The following SLC18A2 variants were observed in gnomAD, a reference collection of about 807,000 sequenced individuals.
SLC18A2 encodes the protein synaptic vesicular amine transporter.
SLC18A2 carries 33 observed loss-of-function variants against 59.2 expected under a neutral mutation model. The observed-to-expected ratio is 0.56, with a 90% confidence interval of 0.42 to 0.75. The LOEUF is 0.75. SLC18A2 is among the 30% of genes least tolerant of loss of function. The probability of loss-of-function intolerance (pLI) is 0.00; values close to 1 mark genes in which losing one functional copy is unlikely to be tolerated. For synonymous variants in SLC18A2, 228 were observed against 253.5 expected (o/e 0.90, Z 0.95); for missense variants, 569 against 668.6 (o/e 0.85, Z 1.64).
Position 117,270,538 on chromosome 10 carries a change from T to A in SLC18A2, c.1440+75T>A. ...GCCTTCCTGATAGCTTCCTCATGGT[T>A]TCATTCTAAAGCCTTCAAACATAAA... is the stretch of plus-strand genomic sequence containing the variant. On this transcript the variant is annotated intron_variant, in intron 15 of 15. Transcript: ENST00000644641. 3.2e-6 allele frequency: 5 copies of A among 1,547,672 alleles called. No individual in the cohort carries two copies. The South Asian group carries it at 5.8e-5, about 18-fold the overall frequency.
intron 10 of SLC18A2, among the ~76,000 whole-genome samples, chr10:117,263,222 C>G (rs1000137074): frequency 6.6e-6 from 1 of 152,186 alleles, no homozygotes; most frequent in Non-Finnish European, 1.5e-5. Context: ...AGCTTTCAGC[C>G]CATGGCTCCC....
At chr10:117,267,870 A>G in intron 13 of SLC18A2, 134 bp downstream of exon 13, 2 of 572,930 alleles carry the variant, frequency 3.5e-6, no homozygotes, top group East Asian at 2.8e-5. Flanking sequence ...CAGCTTAGCT[A>G]AATTACAGCC....
At chr10:117,254,804 C>T (rs975066233) in intron 6 of SLC18A2, among the ~76,000 whole-genome samples, 6 of 152,174 alleles carry the variant, frequency 3.9e-5, no homozygotes, top group Non-Finnish European at 7.3e-5. Context: ...GTTGTGATCA[C>T]GGAGAACCTT....
At chr10:117,253,328 C>T (rs994019503) in intron 3 of SLC18A2, 71 bp from the exon 4 acceptor site, 54 of 1,166,670 alleles carry the variant, frequency 4.6e-5, no homozygotes, top group East Asian at 7.0e-5. Flanking sequence ...GGTAGCCAGG[C>T]GAAAATCAAT....
In SLC18A2 at chr10:117,270,374, T is replaced by C. The variant is rs1459707519; in HGVS notation, c.1351T>C (p.Trp451Arg). The change falls in exon 15 of 16, where the codon TGG (tryptophan) becomes CGG (arginine). Residue 451 changes from tryptophan to arginine, a missense_variant. Coordinates refer to ENST00000644641, the MANE Select transcript of SLC18A2 (RefSeq NM_003054.6). Reference sequence around the variant, plus strand: ...TATTGCAAAGGCAATTGGATTTCCATGGCTCATGACAATTATTGGGATAAT... The same window carrying C: ...TATTGCAAAGGCAATTGGATTTCCACGGCTCATGACAATTATTGGGATAAT... ...GAIAKAIGFPWLMTIIGIIDI... is the reference protein window; with the variant it reads ...GAIAKAIGFPRLMTIIGIIDI... The C allele has an allele frequency of 9.9e-6, 16 of 1,614,234 alleles. No homozygotes were observed. The highest frequency in any genetic ancestry group is 3.3e-5 in the Admixed American group (2 of 60,030).
At chr10:117,255,390 A>C (rs1233358128) in intron 7 of SLC18A2, 24 bp downstream of exon 7, 1 of 1,613,980 alleles carries the variant, frequency 6.2e-7, no homozygotes, top group Non-Finnish European at 8.5e-7. Flanking sequence ...CGTGGGCGCC[A>C]TGCCATGACC....
chr10:117,270,424 C>T lies in SLC18A2; in HGVS notation c.1401C>T (p.Cys467=), dbSNP rs887210501. Residue 467 remains cysteine (C), a synonymous_variant, in exon 15 of 16, where the codon TGC becomes TGT. Transcript: ENST00000644641. ...TTGATATTCTTTTTGCCCCTCTCTG[C>T]TTTTTTCTTCGAAGTCCACCTGCCA... ...GIIDILFAPL[C]FFLRSPPAKE... is the part of the protein sequence containing the mutation. 6.2e-7 allele frequency: 1 copy of T among 1,613,872 alleles called. No individual in the cohort carries two copies. The highest frequency in any genetic ancestry group is 1.3e-5 in the African/African-American group (1 of 74,902).
intron 2 of SLC18A2, 139 bp downstream of exon 2, chr10:117,241,953 C>G: frequency 1.2e-6 from 1 of 848,510 alleles, no homozygotes; most frequent in Non-Finnish European, 1.7e-6. Flanking sequence ...AAAAAGACAT[C>G]CCCTCCAGGC....
At chr10:117,250,901 C>T (rs363339) in intron 3 of SLC18A2, among the ~76,000 whole-genome samples, 46,832 of 151,858 alleles carry the variant, frequency 0.31, 7,957 homozygotes, top group East Asian at 0.65. Flanking sequence ...ACTGGCTGGA[C>T]TGAACAGTGG....
intron 15 of SLC18A2, among the ~76,000 whole-genome samples, chr10:117,276,622 A>AG (rs1249600940): frequency 2.1e-5 from 1 of 48,766 alleles, no homozygotes; most frequent in Non-Finnish European, 5.5e-5. Flanking sequence ...TCAAAAAAAA[A>AG]AAAAAAAAAA....
Position 117,254,423 on chromosome 10 carries a change from G to T in SLC18A2, c.626G>T (p.Ser209Ile). 2 of 1,603,222 alleles carry T rather than the reference G, an allele frequency of 1.2e-6. No homozygotes were observed. Among genetic ancestry groups the T allele is most frequent in the Non-Finnish European group, 1.7e-6 (2 of 1,174,310 alleles). ...SSVAGMGMLA[S>I]VYTDDEERGN... is the part of the protein sequence containing the mutation. Reference sequence around the variant, plus strand: ...TGTGTAGGGATGGGCATGCTTGCCAGTGTCTACACAGATGATGAAGAGAGA... The same window carrying T: ...TGTGTAGGGATGGGCATGCTTGCCATTGTCTACACAGATGATGAAGAGAGA... Residue 209 changes from serine (S) to isoleucine (I), a missense_variant, in exon 6 of 16, where the codon AGT becomes ATT. By Grantham distance (142) the Ser-to-Ile change is moderately radical (BLOSUM62 -2). Coordinates refer to ENST00000644641, the MANE Select transcript of SLC18A2 (RefSeq NM_003054.6).
rs959330281 is a variant in SLC18A2, at chr10:117,278,002, T to C, written c.*736T>C. 2.0e-5 allele frequency: 3 copies of C among 152,228 alleles called. No homozygotes were observed. In the East Asian group the frequency reaches 5.8e-4, roughly 29 times the overall value. The allele number at this position is 152,228 out of a possible 1,614,324, so 9.4% of individuals were successfully genotyped here. On this transcript the variant is annotated 3_prime_UTR_variant, in exon 16 of 16. Coordinates refer to ENST00000644641, the MANE Select transcript of SLC18A2 (RefSeq NM_003054.6). ...AAGCAGAGAAAAGCAACCAAACATATTGTTATGAACTAAAAGCTTTCCCTT... is the reference window on the plus strand; with the variant it reads ...AAGCAGAGAAAAGCAACCAAACATACTGTTATGAACTAAAAGCTTTCCCTT...
intron 9 of SLC18A2, among the ~76,000 whole-genome samples, chr10:117,257,546 A>G (rs1335149016): frequency 6.6e-6 from 1 of 152,182 alleles, no homozygotes; most frequent in African/African-American, 2.4e-5. Flanking sequence ...GTTAAACCAA[A>G]GGAACTCTAG....
intron 12 of SLC18A2, 44 bp downstream of exon 12, chr10:117,267,079 T>C (rs1287943052): frequency 1.3e-6 from 2 of 1,487,590 alleles, no homozygotes; most frequent in African/African-American, 2.8e-5. Context: ...AATCTGTGAA[T>C]AAAACTTGCG....
At chr10:117,267,790 G>A (rs909941055) in intron 13 of SLC18A2, 54 bp downstream of exon 13, 13 of 1,370,162 alleles carry the variant, frequency 9.5e-6, no homozygotes, top group Non-Finnish European at 1.3e-5. Flanking sequence ...CACTAGGAAG[G>A]GTTCTTCTTC....
At position 117,269,283 on chromosome 10, in the gene SLC18A2, A is replaced by G. The variant is rs1037761708; in HGVS notation, c.1187-788A>G. 7.9e-5 allele frequency among the ~76,000 whole-genome samples: 12 copies of G among 152,142 alleles called. No homozygotes were observed. Among genetic ancestry groups the G allele is most frequent in the African/African-American group, 2.7e-4 (11 of 41,398 alleles). On this transcript the variant is annotated intron_variant, in intron 13 of 15. Transcript: ENST00000644641. The surrounding 1 kb of genome is among the most constrained non-coding windows in gnomAD (Gnocchi z 5.1). Reference sequence around the variant, plus strand: ...GACACATACACATGCAAACACATGTACACACATATATACACATACATACAC... The same window carrying G: ...GACACATACACATGCAAACACATGTGCACACATATATACACATACATACAC...
intron 9 of SLC18A2, among the ~76,000 whole-genome samples, chr10:117,257,132 T>C (rs1844239448): frequency 6.6e-6 from 1 of 152,222 alleles, no homozygotes; most frequent in Non-Finnish European, 1.5e-5. Flanking sequence ...GAATTTGTTG[T>C]AGCAAATTAG....
chr10:117,266,834 C>G, intron 11 of SLC18A2, 23 bp downstream of exon 11: 1 of 1,593,632 alleles, frequency 6.3e-7, no homozygotes, highest in Non-Finnish European at 8.6e-7. Flanking sequence ...GAAAACAACA[C>G]TCATTCTGTT....
At chr10:117,251,318 C>T (rs999539444) in intron 3 of SLC18A2, among the ~76,000 whole-genome samples, 44 of 152,306 alleles carry the variant, frequency 2.9e-4, no homozygotes, top group African/African-American at 9.6e-4. Context: ...GCCTCCTGGA[C>T]GTTTCCTGAT....
Sources: gnomAD v4.1 joint callset for allele counts (sites outside exome capture counted in the v4.1 genomes callset) on GRCh38, gnomAD v4.1.1 for gene constraint, Gnocchi (gnomAD v3.1) non-coding constraint, MANE v1.5 for transcripts, NCBI Gene and HGNC (gene_info 2026-07-23, HGNC 2026-07-21) for gene names.